USP48: variants seen among roughly 807,000 people sequenced by gnomAD.
USP48 encodes the protein ubiquitin carboxyl-terminal hydrolase 48.
A neutral mutation model predicts 150.7 loss-of-function variants in USP48; 43 were observed. The observed-to-expected ratio is 0.29, with a 90% CI of 0.22 to 0.37. The LOEUF is 0.37. Ranked by LOEUF, USP48 falls within the 10% of genes least tolerant of loss-of-function variation. The pLI is 1.00. For missense variants in USP48, 813 were observed against 1,249.6 expected, an observed-to-expected ratio of 0.65 and a Z score of 5.27; for synonymous variants, 396 against 425.9, an observed-to-expected ratio of 0.93 and a Z score of 0.86.
intron 1 of USP48, among the ~76,000 whole-genome samples, 197 bp downstream of exon 1, chr1:21,782,627 G>C (rs529822308): frequency 6.6e-6 from 1 of 152,354 alleles, no homozygotes; most frequent in South Asian, 2.1e-4. Context: ...GCTTTGGCCA[G>C]CATCACCTCC....
At chr1:21,743,060 A>C (rs2152568655) in intron 8 of USP48, among the ~76,000 whole-genome samples, 1 of 152,354 alleles carries the variant, frequency 6.6e-6, no homozygotes, top group South Asian at 2.1e-4. Flanking sequence ...TTATGAACAA[A>C]TACTGATGAC....
rs1282497417 is a variant in USP48, at chr1:21,757,744, A to C, written c.174T>G (p.Ile58Met). Reference sequence around the variant, plus strand: ...TTTCTCCTAACCAAATATGCTCACCAATACCAACCAAGCAATTCGGATTTC... The same window carrying C: ...TTTCTCCTAACCAAATATGCTCACCCATACCAACCAAGCAATTCGGATTTC... ...CKGNPNCLVG[I>M]GEHIWLGEID... The change falls in exon 2 of 27, where the codon ATT becomes ATG. Residue 58 changes from isoleucine (I) to methionine (M), a missense_variant. Coordinates refer to ENST00000308271, the MANE Select transcript of USP48 (RefSeq NM_032236.8). 6.2e-7 allele frequency: 1 copy of C among 1,611,560 alleles called. No individual in the cohort carries two copies. The highest frequency in any genetic ancestry group is 1.7e-5 in the Admixed American group (1 of 59,658).
intron 9 of USP48, chr1:21,732,692 G>C: frequency 5.4e-6 from 2 of 370,344 alleles, no homozygotes; most frequent in South Asian, 4.1e-5. Flanking sequence ...AATTCTGTAG[G>C]GTAAACATAA....
intron 9 of USP48, among the ~76,000 whole-genome samples, chr1:21,730,315 C>T (rs1043793627): frequency 6.6e-6 from 1 of 152,068 alleles, no homozygotes; most frequent in East Asian, 1.9e-4. Flanking sequence ...TGGTGGTGCG[C>T]ACCTGCAGTC....
At chr1:21,734,631 C>T (rs1394085577) in intron 9 of USP48, among the ~76,000 whole-genome samples, 2 of 152,148 alleles carry the variant, frequency 1.3e-5, no homozygotes, top group Non-Finnish European at 2.9e-5. Flanking sequence ...TTCTTTTCTC[C>T]AATTCAGATA....
intron 1 of USP48, among the ~76,000 whole-genome samples, chr1:21,772,451 G>A (rs558533767): frequency 2.0e-5 from 3 of 151,758 alleles, no homozygotes; most frequent in African/African-American, 2.4e-5. Context: ...GTGAAACCCC[G>A]TCTCTACAAA....
At chr1:21,735,056 A>G (rs966364156) in intron 9 of USP48, among the ~76,000 whole-genome samples, 2 of 152,216 alleles carry the variant, frequency 1.3e-5, no homozygotes, top group African/African-American at 4.8e-5. Flanking sequence ...GGAGAAACAA[A>G]GTTTACCTGC....
At chr1:21,775,611 C>T (rs2097896157) in intron 1 of USP48, among the ~76,000 whole-genome samples, 1 of 152,210 alleles carries the variant, frequency 6.6e-6, no homozygotes, top group Admixed American at 6.5e-5. Flanking sequence ...TGGCATGACA[C>T]TGGCTTTCTA....
chr1:21,761,385 T>A (rs2097849740), intron 1 of USP48, among the ~76,000 whole-genome samples: 1 of 151,584 alleles, frequency 6.6e-6, no homozygotes, highest in South Asian at 2.1e-4. Flanking sequence ...TCCTCCAGCC[T>A]CAGCCTCTGG....
chr1:21,702,497 G>C (rs1381578598), intron 21 of USP48, among the ~76,000 whole-genome samples: 1 of 151,582 alleles, frequency 6.6e-6, no homozygotes, highest in African/African-American at 2.4e-5. Flanking sequence ...CAGGTCAATG[G>C]AAGAGGCTCT....
intron 11 of USP48, among the ~76,000 whole-genome samples, chr1:21,726,750 A>C (rs1056689867): frequency 6.6e-6 from 1 of 152,190 alleles, no homozygotes; most frequent in African/African-American, 2.4e-5. Flanking sequence ...AGGCCCCTCA[A>C]ATATATTCCC....
chr1:21,762,046 C>A (rs565019376), intron 1 of USP48, among the ~76,000 whole-genome samples: 8 of 152,178 alleles, frequency 5.3e-5, no homozygotes, highest in African/African-American at 1.4e-4. Context: ...GTGGGCAGAT[C>A]ACTTGAGGCC....
chr1:21,781,104 A>C (rs968253577), intron 1 of USP48, among the ~76,000 whole-genome samples: 21 of 149,320 alleles, frequency 1.4e-4, no homozygotes, highest in African/African-American at 5.1e-4. Context: ...CCAGCGTCTC[A>C]CGACGCTGTC....
intron 25 of USP48, among the ~76,000 whole-genome samples, chr1:21,685,699 C>T (rs1417613335): frequency 6.6e-6 from 1 of 152,196 alleles, no homozygotes; most frequent in Non-Finnish European, 1.5e-5. Context: ...GTTAGGTAAA[C>T]ATGATAATCA....
At chr1:21,748,566 G>GT (rs1291642929) in intron 6 of USP48, among the ~76,000 whole-genome samples, 1 of 152,216 alleles carries the variant, frequency 6.6e-6, no homozygotes, top group African/African-American at 2.4e-5. Flanking sequence ...GAATTCTAAA[G>GT]TAAGTTTTAA....
intron 9 of USP48, among the ~76,000 whole-genome samples, chr1:21,731,927 T>C (rs1208403188): frequency 2.0e-5 from 3 of 152,072 alleles, no homozygotes; most frequent in South Asian, 2.1e-4. Context: ...CACTAATCTC[T>C]ATGACGTAAA....
intron 20 of USP48, 52 bp from the exon 21 acceptor site, chr1:21,703,670 T>G: frequency 7.6e-7 from 1 of 1,312,230 alleles, no homozygotes; most frequent in Non-Finnish European, 1.1e-6. Flanking sequence ...GAATCATTGT[T>G]AAAGAATCAA....
chr1:21,690,533 G>A (rs76303989), intron 23 of USP48, among the ~76,000 whole-genome samples: 3 of 147,248 alleles, frequency 2.0e-5, no homozygotes, highest in Non-Finnish European at 4.5e-5. Flanking sequence ...TTTTTTTTTT[G>A]TTGTTGTTGA....
intron 26 of USP48, 90 bp downstream of exon 26, chr1:21,680,718 A>C: frequency 7.8e-7 from 1 of 1,284,750 alleles, no homozygotes; most frequent in Non-Finnish European, 1.1e-6. Flanking sequence ...ATTGGATTAA[A>C]ATTTAAAATC....
Sources: gnomAD v4.1 joint callset for allele counts (sites outside exome capture counted in the v4.1 genomes callset) on GRCh38, gnomAD v4.1.1 for gene constraint, MANE v1.5 for transcripts, NCBI Gene and HGNC (gene_info 2026-07-23, HGNC 2026-07-21) for gene names.